The following MPDZ variants were observed in gnomAD, a reference collection of about 807,000 sequenced individuals.
MPDZ encodes the protein multiple PDZ domain crumbs cell polarity complex component.
Under a neutral mutation model 239.1 loss-of-function variants are expected in MPDZ, and 234 were observed. The ratio of observed to expected loss-of-function variants is 0.98; its 90% CI spans 0.88 to 1.09. MPDZ has a LOEUF of 1.09. Ranked by LOEUF, MPDZ falls within the 50% of genes least tolerant of loss-of-function variation. The pLI, the probability that MPDZ is intolerant of heterozygous loss-of-function variation, is 0.00. For missense variants in MPDZ, 3,175 were observed against 2,510.0 expected (o/e 1.26, Z -5.66); for synonymous variants, 1,048 against 881.3 (o/e 1.19, Z -3.35).
intron 31 of MPDZ, chr9:13,135,673 G>T: frequency 6.5e-6 from 1 of 153,302 alleles, no homozygotes; most frequent in Non-Finnish European, 1.4e-5. Context: ...TCCATTCCCT[G>T]CCCCTCATTG....
At chr9:13,189,665 C>T (rs532752126) in intron 16 of MPDZ, among the ~76,000 whole-genome samples, 1 of 152,168 alleles carries the variant, frequency 6.6e-6, no homozygotes, top group African/African-American at 2.4e-5. Flanking sequence ...GGGACAAAGG[C>T]CAACTTGACC....
chr9:13,190,187 C>G lies in MPDZ; in HGVS notation c.2081G>C (p.Trp694Ser). ...TEEVQAPLAM[W>S]EAGIQHIELE... ...CTCTATGTGCTGAATGCCAGCCTCC[C>G]ACATGGCCAAAGGTGCTTGAACCTC... Residue 694 changes from tryptophan (W) to serine (S), a missense_variant, in exon 16 of 47, where the codon TGG becomes TCG. By Grantham distance (177) the Trp-to-Ser change is radical. Coordinates refer to ENST00000319217, the MANE Select transcript of MPDZ (RefSeq NM_001378778.1). 1 of 1,613,264 alleles carries G rather than the reference C, an allele frequency of 6.2e-7. No homozygotes were observed. Among genetic ancestry groups the G allele is most frequent in the African/African-American group, 1.3e-5 (1 of 75,010 alleles).
intron 1 of MPDZ, 131 bp downstream of exon 1, chr9:13,279,269 A>ACCCCCG (rs1181044578): frequency 1.3e-4 from 4 of 29,694 alleles, no homozygotes; most frequent in East Asian, 2.5e-3. Flanking sequence ...CCCCACCCCC[A>ACCCCCG]CCCCCATCCC....
intron 18 of MPDZ, 50 bp downstream of exon 18, chr9:13,186,220 A>C: frequency 9.8e-7 from 1 of 1,019,250 alleles, no homozygotes; most frequent in South Asian, 2.2e-5. Context: ...AAGGCAAAGT[A>C]AGACATATCA....
chr9:13,244,560 A>T (rs1966157528), intron 3 of MPDZ, among the ~76,000 whole-genome samples: 1 of 152,186 alleles, frequency 6.6e-6, no homozygotes, highest in South Asian at 2.1e-4. Context: ...GGCAGAGTTA[A>T]ACAGAGACAT....
chr9:13,227,830 G>A (rs937017296), intron 3 of MPDZ, among the ~76,000 whole-genome samples: 1 of 152,092 alleles, frequency 6.6e-6, no homozygotes, highest in Non-Finnish European at 1.5e-5. Context: ...TAAAAGCAGA[G>A]GTTATAGAGA....
intron 8 of MPDZ, among the ~76,000 whole-genome samples, chr9:13,219,214 G>A (rs1450967251): frequency 6.6e-6 from 1 of 151,820 alleles, no homozygotes; most frequent in Non-Finnish European, 1.5e-5. Flanking sequence ...CTTACAGAGA[G>A]TCTTCTAACT....
Position 13,222,396 on chromosome 9 carries a change from G to A in MPDZ, c.584C>T (p.Ala195Val). The stretch of plus-strand genomic sequence containing the variant: ...CTGATGTGTAATTGTCTGATCAAGA[G>A]CCTGTCCATTGATAGCAAGAATTTG... ...TDQILAINGQ[A>V]LDQTITHQQA... is the part of the protein sequence containing the mutation. Residue 195 changes from alanine (A) to valine (V), a missense_variant, in exon 6 of 47, where the codon GCT becomes GTT. Ala to Val is a moderately conservative substitution (Grantham distance 64). Coordinates refer to ENST00000319217, the MANE Select transcript of MPDZ (RefSeq NM_001378778.1). The A allele has an allele frequency of 1.2e-6, 2 of 1,612,762 alleles. No individual in the cohort carries two copies. The highest frequency in any genetic ancestry group is 1.3e-5 in the African/African-American group (1 of 74,928).
intron 3 of MPDZ, among the ~76,000 whole-genome samples, chr9:13,228,481 G>T (rs1276308143): frequency 6.6e-6 from 1 of 152,008 alleles, no homozygotes; most frequent in Non-Finnish European, 1.5e-5. Context: ...AAAAGGTCAA[G>T]TAAAGCAGAA....
At chr9:13,107,432 G>A (rs972793120) in intron 46 of MPDZ, among the ~76,000 whole-genome samples, 2 of 152,120 alleles carry the variant, frequency 1.3e-5, no homozygotes, top group Non-Finnish European at 2.9e-5. Context: ...TTGCCTAGTA[G>A]GAATGATTCA....
chr9:13,266,846 G>A (rs571795610), intron 1 of MPDZ, among the ~76,000 whole-genome samples: 18 of 152,318 alleles, frequency 1.2e-4, no homozygotes, highest in African/African-American at 4.3e-4. Context: ...GAAAGAGAAG[G>A]AGGAGGAAGG....
intron 3 of MPDZ, among the ~76,000 whole-genome samples, chr9:13,232,945 C>T (rs928188901): frequency 1.3e-5 from 2 of 149,050 alleles, no homozygotes; most frequent in Non-Finnish European, 3.0e-5. Context: ...TGCTCAGCAT[C>T]ATTACTCATC....
chr9:13,213,257 A>G (rs1201759193), intron 10 of MPDZ, among the ~76,000 whole-genome samples: 1 of 152,090 alleles, frequency 6.6e-6, no homozygotes, highest in Admixed American at 6.6e-5. Context: ...ATTCCTTGTC[A>G]CTGTAATGCC....
intron 1 of MPDZ, among the ~76,000 whole-genome samples, chr9:13,276,236 G>A (rs1974158756): frequency 1.3e-5 from 2 of 152,130 alleles, no homozygotes; most frequent in Non-Finnish European, 2.9e-5. Context: ...CTCTGGAAAC[G>A]TATCACAGGA....
At chr9:13,233,285 G>A (rs891085374) in intron 3 of MPDZ, among the ~76,000 whole-genome samples, 1 of 152,082 alleles carries the variant, frequency 6.6e-6, no homozygotes, top group Non-Finnish European at 1.5e-5. Context: ...GCCAAAAGCT[G>A]CAATCAACAG....
chr9:13,144,602 G>T (rs1212455485), intron 26 of MPDZ, among the ~76,000 whole-genome samples: 1 of 152,006 alleles, frequency 6.6e-6, no homozygotes, highest in Non-Finnish European at 1.5e-5. Flanking sequence ...CAAGTATAGG[G>T]AGAGGTTGTC....
intron 25 of MPDZ, 126 bp downstream of exon 25, chr9:13,150,385 G>C (rs1225980226): frequency 1.8e-6 from 1 of 558,936 alleles, no homozygotes; most frequent in Non-Finnish European, 2.7e-6. Context: ...GGTACAAAGG[G>C]TGGAGCAGGT....
At chr9:13,195,569 C>A (rs1955531607) in intron 13 of MPDZ, among the ~76,000 whole-genome samples, 1 of 151,828 alleles carries the variant, frequency 6.6e-6, no homozygotes, top group Non-Finnish European at 1.5e-5. Flanking sequence ...TATTAGACCC[C>A]CTTTTGGGAT....
intron 23 of MPDZ, among the ~76,000 whole-genome samples, chr9:13,160,562 G>A (rs529530879): frequency 1.3e-5 from 2 of 151,670 alleles, no homozygotes; most frequent in Non-Finnish European, 2.9e-5. Context: ...ATTTCAGAGG[G>A]ACATTGAAAT....
Sources: gnomAD v4.1 joint callset for allele counts (sites outside exome capture counted in the v4.1 genomes callset) on GRCh38, gnomAD v4.1.1 for gene constraint, MANE v1.5 for transcripts, NCBI Gene and HGNC (gene_info 2026-07-23, HGNC 2026-07-21) for gene names.